RUSC1: variants seen among roughly 807,000 people sequenced by gnomAD.
RUSC1 encodes the protein AP-4 complex accessory subunit RUSC1.
A neutral mutation model predicts 72.1 loss-of-function variants in RUSC1; 40 were observed. The ratio of observed to expected loss-of-function variants is 0.55; its 90% CI spans 0.43 to 0.72. The LOEUF (loss-of-function observed/expected upper bound fraction) is 0.72. RUSC1 is among the 30% of genes least tolerant of loss of function. RUSC1 has a pLI of 0.00. For synonymous variants in RUSC1, 512 were observed against 494.2 expected (o/e 1.04, Z -0.48); for missense variants, 1,092 against 1,172.3 (o/e 0.93, Z 1.00).
In RUSC1 at chr1:155,325,353, G is replaced by A; in HGVS notation, c.1571G>A (p.Gly524Glu). 1 of 1,598,738 alleles carries A rather than the reference G, an allele frequency of 6.3e-7. No individual in the cohort carries two copies. The highest frequency in any genetic ancestry group is 8.5e-7 in the Non-Finnish European group (1 of 1,176,970). ...LGDSRLSPDV[G>E]HLVLTTLCPA... ...GATAGCCGGCTGAGCCCGGATGTGG[G>A]GCACCTGGTGCTGACCACCCTCTGC... The change falls in exon 5 of 10, where the codon GGG (glycine) becomes GAG (glutamate). Residue 524 changes from glycine (G) to glutamate (E), a missense_variant. Gly to Glu is a moderately conservative substitution (Grantham distance 98). Coordinates refer to ENST00000368352, the MANE Select transcript of RUSC1 (RefSeq NM_001105203.2). This position sits in a 1 kb window ranked among gnomAD's most constrained non-coding sequence, Gnocchi z 6.5.
intron 2 of RUSC1, chr1:155,323,493 G>A (rs2148267852): frequency 5.7e-6 from 1 of 175,960 alleles, no homozygotes; most frequent in South Asian, 1.9e-4. Context: ...GCGCAGCTGG[G>A]TCTCTGCTCC....
chr1:155,324,818 T>A, intron 2 of RUSC1, 27 bp from the exon 3 acceptor site: 1 of 1,614,236 alleles, frequency 6.2e-7, no homozygotes, highest in East Asian at 2.2e-5. Context: ...TGGTAAGTGT[T>A]ACCGCGCCCT....
intron 2 of RUSC1, chr1:155,324,513 C>T (rs763782383): frequency 4.4e-6 from 7 of 1,605,172 alleles, no homozygotes; most frequent in African/African-American, 2.7e-5. Context: ...CGTCCTCTCC[C>T]GCCCTACAGG....
rs773179537 is a variant in RUSC1, at chr1:155,327,089, C to T, written c.2371C>T (p.Pro791Ser). ...CTGGTTGGGAAGACTATTTGGAGTG[C>T]CTGGGGGCCCCGCAGAAAATGAGAA... ...GLWLGRLFGV[P>S]GGPAENENGA... The change falls in exon 8 of 10, where the codon CCT (proline) becomes TCT (serine). Residue 791 changes from proline to serine, a missense_variant. Pro to Ser is a moderately conservative substitution (Grantham distance 74). Transcript: ENST00000368352. 2 of 1,609,154 alleles carry T rather than the reference C, an allele frequency of 1.2e-6. No homozygotes were observed. Among genetic ancestry groups the T allele is most frequent in the Admixed American group, 3.3e-5 (2 of 59,756 alleles).
At position 155,321,782 on chromosome 1, in the gene RUSC1, C is replaced by T. The variant is rs1369424986; in HGVS notation, c.9C>T (p.Ser3=). The change falls in exon 2 of 10, where the codon TCC becomes TCT. Residue 3 remains serine (S), a synonymous_variant. Coordinates refer to ENST00000368352, the MANE Select transcript of RUSC1 (RefSeq NM_001105203.2). ...CCATCGCCGCTAGCATCATGCTGTCCCCTCAGAGAGCTTTACTCTGCAACC... is the reference window on the plus strand; with the variant it reads ...CCATCGCCGCTAGCATCATGCTGTCTCCTCAGAGAGCTTTACTCTGCAACC... ML[S]PQRALLCNLN... 2 of 1,614,010 alleles carry T rather than the reference C, an allele frequency of 1.2e-6. No homozygotes were observed. The highest frequency in any genetic ancestry group is 1.7e-6 in the Non-Finnish European group (2 of 1,180,026).
chr1:155,324,865 G>C lies in RUSC1; in HGVS notation c.1378G>C (p.Ala460Pro), dbSNP rs1651126143. 8.1e-6 allele frequency: 13 copies of C among 1,614,140 alleles called. No homozygotes were observed. Among genetic ancestry groups the C allele is most frequent in the Non-Finnish European group, 1.1e-5 (13 of 1,180,054 alleles). Residue 460 changes from alanine (A) to proline (P), a missense_variant, in exon 3 of 10, where the codon GCC becomes CCC. Transcript: ENST00000368352. ...GCCAGTCCGTAGTTCGTGGTCCTTCGCCGGTGTCCCCGGAGCCCAGCGGCT... is the reference window on the plus strand; with the variant it reads ...GCCAGTCCGTAGTTCGTGGTCCTTCCCCGGTGTCCCCGGAGCCCAGCGGCT... ...GLEVRSSWSFAGVPGAQRLWM... is the reference protein window; with the variant it reads ...GLEVRSSWSFPGVPGAQRLWM...
chr1:155,322,765 T>C lies in RUSC1; in HGVS notation c.992T>C (p.Leu331Pro), dbSNP rs1466682690. The change falls in exon 2 of 10, where the codon CTT becomes CCT. Residue 331 changes from leucine (L) to proline (P), a missense_variant. Transcript: ENST00000368352. Reference sequence around the variant, plus strand: ...CGCAAGCGGGGCCCAGGGCTGCCCCTTGTCCCGCAGGCGAAGAAAGATCGC... The same window carrying C: ...CGCAAGCGGGGCCCAGGGCTGCCCCCTGTCCCGCAGGCGAAGAAAGATCGC... ...QKRKRGPGLPLVPQAKKDRSD... is the reference protein window; with the variant it reads ...QKRKRGPGLPPVPQAKKDRSD... 1 of 1,613,624 alleles carries C rather than the reference T, an allele frequency of 6.2e-7. No individual in the cohort carries two copies. The highest frequency in any genetic ancestry group is 8.5e-7 in the Non-Finnish European group (1 of 1,179,774).
At chr1:155,323,919 T>A (rs1053939640) in intron 2 of RUSC1, 1 of 990,578 alleles carries the variant, frequency 1.0e-6, no homozygotes, top group South Asian at 4.4e-5. Context: ...CCCAGCTTAG[T>A]CCCGCCCTTC....
Position 155,322,470 on chromosome 1 carries a change from C to G in RUSC1, c.697C>G (p.Pro233Ala), listed in dbSNP as rs1435910209. ...GKTEPSWKIN[P>A]IWKIDTEKTK... ...AACGGAGCCCAGTTGGAAGATTAAC[C>G]CAATTTGGAAAATTGACACAGAGAA... The change falls in exon 2 of 10, where the codon CCA (proline) becomes GCA (alanine). Residue 233 changes from proline to alanine, a missense_variant. By Grantham distance (27) the Pro-to-Ala change is conservative. Transcript: ENST00000368352. 1.9e-6 allele frequency: 3 copies of G among 1,613,548 alleles called. No individual in the cohort carries two copies. The highest frequency in any genetic ancestry group is 2.7e-5 in the African/African-American group (2 of 74,852).
chr1:155,324,021 C>A (rs1454232578), intron 2 of RUSC1: 1 of 1,054,630 alleles, frequency 9.5e-7, no homozygotes, highest in Admixed American at 5.3e-5. Flanking sequence ...TTTCCTGCTC[C>A]GTGGGCCGGC....
rs761478289 is a variant in RUSC1 at position 155,322,178 on chromosome 1, G to A, written c.405G>A (p.Gln135=). ...DLPGDEDAHP[Q]PSIIPLEQGS... ...CTGGTGATGAGGATGCCCACCCTCAGCCCAGTATCATCCCCCTGGAGCAGG... is the reference window on the plus strand; with the variant it reads ...CTGGTGATGAGGATGCCCACCCTCAACCCAGTATCATCCCCCTGGAGCAGG... Residue 135 remains glutamine (Q), a synonymous_variant, in exon 2 of 10, where the codon CAG becomes CAA. Transcript: ENST00000368352. The A allele has an allele frequency of 6.2e-7, 1 of 1,605,364 alleles. No homozygotes were observed. Among genetic ancestry groups the A allele is most frequent in the Middle Eastern group, 1.7e-4 (1 of 6,022 alleles).
In RUSC1 at chr1:155,322,967, GCCCCGGCCCCCAC is replaced by G; in HGVS notation, c.1200_1212del (p.Pro401LeufsTer16). ...CCCCAGTTGGCTGGGCTTTGGTCCC[GCCCCGGCCCCCAC>G]CCCCGCCTGTCCCTCCCCGAAGGAA... On this transcript the variant is annotated frameshift_variant, in exon 2 of 10. Coordinates refer to ENST00000368352, the MANE Select transcript of RUSC1 (RefSeq NM_001105203.2). LOFTEE classifies it high-confidence loss of function. 1 of 921,440 alleles carries G rather than the reference GCCCCGGCCCCCAC, an allele frequency of 1.1e-6. No homozygotes were observed. Among genetic ancestry groups the G allele is most frequent in the Non-Finnish European group, 1.5e-6 (1 of 671,910 alleles). 57.1% of individuals were successfully genotyped at this position (921,440 alleles called of 1,614,324 possible). A position where few individuals can be genotyped will look rare whatever the true frequency, so the allele number is the denominator to read the frequency against.
At chr1:155,324,438 G>A (rs1219375831) in intron 2 of RUSC1, 1 of 1,612,952 alleles carries the variant, frequency 6.2e-7, no homozygotes, top group Non-Finnish European at 8.5e-7. Flanking sequence ...CGTGCTCCCC[G>A]GGGCTCCGCA....
At chr1:155,327,962 T>C (rs893021232) in intron 8 of RUSC1, among the ~76,000 whole-genome samples, 188 bp from the exon 9 acceptor site, 3 of 152,218 alleles carry the variant, frequency 2.0e-5, no homozygotes, top group Non-Finnish European at 4.4e-5. Context: ...TGGACTTTTG[T>C]TGTCATCTCC....
rs1054006196 is a variant in RUSC1, at chr1:155,330,348, C to T, written c.2541-55C>T. The stretch of plus-strand genomic sequence containing the variant: ...GCACTCTAGAGGTGACGCCTGGGGA[C>T]GGCTGGGCAGCCCCACCTCACCTCA... On this transcript the variant is annotated intron_variant, in intron 9 of 9. Transcript: ENST00000368352. 286 of 1,593,500 alleles carry T rather than the reference C, an allele frequency of 1.8e-4. 2 individuals are homozygous for T. Among genetic ancestry groups the T allele is most frequent in the Middle Eastern group, 2.3e-4 (1 of 4,430 alleles).
Position 155,320,982 on chromosome 1 carries a change from G to A in RUSC1, c.-96G>A. 1 of 1,532,506 alleles carries A rather than the reference G, an allele frequency of 6.5e-7. No homozygotes were observed. Among genetic ancestry groups the A allele is most frequent in the Non-Finnish European group, 8.8e-7 (1 of 1,130,770 alleles). The allele number at this position is 1,532,506 out of a possible 1,614,324, so 94.9% of individuals were successfully genotyped here. ...AAGCCCAAGGCCGGAGCGGTTCCAG[G>A]AGGACCCTGGTGAGGAGGGCTCGGC... On this transcript the variant is annotated 5_prime_UTR_variant, in exon 1 of 10. Coordinates refer to ENST00000368352, the MANE Select transcript of RUSC1 (RefSeq NM_001105203.2).
chr1:155,324,078 C>A, intron 2 of RUSC1: 1 of 1,144,840 alleles, frequency 8.7e-7, no homozygotes, highest in Non-Finnish European at 1.1e-6. Flanking sequence ...GCGGGCTTAC[C>A]CAGCCTCCAT....
In RUSC1 at chr1:155,330,769, A is replaced by G. The variant is rs1301357531; in HGVS notation, c.*198A>G. 1.9e-6 allele frequency: 1 copy of G among 517,672 alleles called. No individual in the cohort carries two copies. Among genetic ancestry groups the G allele is most frequent in the African/African-American group, 2.0e-5 (1 of 50,688 alleles). The allele number at this position is 517,672 out of a possible 1,614,324, so 32.1% of individuals were successfully genotyped here. On this transcript the variant is annotated 3_prime_UTR_variant, in exon 10 of 10. Transcript: ENST00000368352. Reference sequence around the variant, plus strand: ...GGTGAAATCTGCTCTTCTTCCAAATATATAAAAAAGGAATTGCCCTCCAGG... The same window carrying G: ...GGTGAAATCTGCTCTTCTTCCAAATGTATAAAAAAGGAATTGCCCTCCAGG...
intron 2 of RUSC1, chr1:155,323,842 C>A: frequency 1.1e-6 from 1 of 889,520 alleles, no homozygotes; most frequent in Non-Finnish European, 1.3e-6. Context: ...GCCCCGCGGG[C>A]CACGCCTCAG....
Sources: gnomAD v4.1 joint callset for allele counts (sites outside exome capture counted in the v4.1 genomes callset) on GRCh38, gnomAD v4.1.1 for gene constraint, Gnocchi (gnomAD v3.1) non-coding constraint, MANE v1.5 for transcripts, NCBI Gene and HGNC (gene_info 2026-07-23, HGNC 2026-07-21) for gene names.